The following ADCY2 variants were observed in gnomAD, a reference collection of about 807,000 sequenced individuals.
ADCY2 encodes the protein adenylate cyclase type 2.
Under a neutral mutation model 125.2 loss-of-function variants are expected in ADCY2, and 31 were observed. That is an observed-to-expected ratio of 0.25 (90% CI 0.19 to 0.33). The LOEUF (loss-of-function observed/expected upper bound fraction) is 0.33. Among genes scored for constraint, ADCY2 ranks in the 10% least tolerant of loss-of-function variants. The pLI, the probability that ADCY2 is intolerant of heterozygous loss-of-function variation, is 1.00. For missense variants in ADCY2, 904 were observed against 1,418.2 expected (o/e 0.64, Z 5.82); for synonymous variants, 512 against 548.4 (o/e 0.93, Z 0.93).
chr5:7,506,953 A>G (rs895585135), intron 2 of ADCY2, among the ~76,000 whole-genome samples: 1 of 150,336 alleles, frequency 6.7e-6, no homozygotes, highest in Non-Finnish European at 1.5e-5. Context: ...ATGCCCGGCT[A>G]ATTTTTTGTA....
At chr5:7,497,112 T>C (rs1743370585) in intron 2 of ADCY2, among the ~76,000 whole-genome samples, 1 of 152,178 alleles carries the variant, frequency 6.6e-6, no homozygotes, top group African/African-American at 2.4e-5. Context: ...CTTATGAAGA[T>C]GCAATGTTCT....
At chr5:7,634,641 G>A (rs1482807391) in intron 4 of ADCY2, among the ~76,000 whole-genome samples, 2 of 151,182 alleles carry the variant, frequency 1.3e-5, no homozygotes, top group Middle Eastern at 3.2e-3. Context: ...ATATTCTTCT[G>A]TTAAATACAG....
intron 4 of ADCY2, among the ~76,000 whole-genome samples, chr5:7,639,406 C>T (rs933300958): frequency 1.3e-5 from 2 of 152,192 alleles, no homozygotes; most frequent in African/African-American, 4.8e-5. Flanking sequence ...GCTTAGGACA[C>T]CTGTTGCTGC....
At chr5:7,545,754 G>A (rs1735129589) in intron 3 of ADCY2, among the ~76,000 whole-genome samples, 1 of 152,080 alleles carries the variant, frequency 6.6e-6, no homozygotes, top group South Asian at 2.1e-4. Flanking sequence ...TGGGTTACAC[G>A]CCAACCGATA....
chr5:7,628,533 T>C (rs547879307), intron 4 of ADCY2, among the ~76,000 whole-genome samples: 1 of 152,150 alleles, frequency 6.6e-6, no homozygotes, highest in African/African-American at 2.4e-5. Flanking sequence ...TAGAAAGACA[T>C]GCATCTACTA....
At chr5:7,491,972 A>G (rs1054906883) in intron 2 of ADCY2, among the ~76,000 whole-genome samples, 3 of 152,360 alleles carry the variant, frequency 2.0e-5, no homozygotes, top group Middle Eastern at 6.8e-3. Flanking sequence ...TGTCTGTTGC[A>G]CAGCACTGAG....
intron 1 of ADCY2, among the ~76,000 whole-genome samples, chr5:7,402,985 C>A (rs536656164): frequency 6.6e-6 from 1 of 152,232 alleles, no homozygotes; most frequent in South Asian, 2.1e-4. Context: ...ATTATGATTT[C>A]TACCCATTTA....
At chr5:7,509,781 A>G (rs1028933619) in intron 2 of ADCY2, among the ~76,000 whole-genome samples, 7 of 152,236 alleles carry the variant, frequency 4.6e-5, no homozygotes, top group African/African-American at 7.2e-5. Flanking sequence ...TATGGGAAAG[A>G]TAAAATCTTT....
intron 3 of ADCY2, among the ~76,000 whole-genome samples, chr5:7,557,256 C>T (rs1735556164): frequency 1.5e-5 from 2 of 131,746 alleles, no homozygotes. Context: ...TGCTCAACCT[C>T]CCTAGTAATC....
At chr5:7,520,573 A>G (rs1301264641) in intron 2 of ADCY2, among the ~76,000 whole-genome samples, 165 bp from the exon 3 acceptor site, 1 of 152,200 alleles carries the variant, frequency 6.6e-6, no homozygotes, top group African/African-American at 2.4e-5. Flanking sequence ...TGTTATTGTA[A>G]TCCAGTGGAC....
intron 22 of ADCY2, among the ~76,000 whole-genome samples, chr5:7,805,063 C>T (rs967895734): frequency 1.3e-5 from 2 of 152,016 alleles, no homozygotes; most frequent in African/African-American, 4.8e-5. Context: ...CGTCTGTAAT[C>T]CCAGCACTTT....
intron 2 of ADCY2, among the ~76,000 whole-genome samples, chr5:7,508,803 T>A (rs1743942772): frequency 6.6e-6 from 1 of 152,184 alleles, no homozygotes; most frequent in Non-Finnish European, 1.5e-5. Flanking sequence ...AGGGGCATTG[T>A]GTTTTCGTCC....
At chr5:7,677,698 C>A (rs148981461) in intron 4 of ADCY2, among the ~76,000 whole-genome samples, 1 of 152,298 alleles carries the variant, frequency 6.6e-6, no homozygotes, top group Non-Finnish European at 1.5e-5. Context: ...CGAGCACAAT[C>A]ATGGGATTGT....
intron 4 of ADCY2, among the ~76,000 whole-genome samples, chr5:7,655,830 C>G (rs1739303519): frequency 6.6e-6 from 1 of 152,178 alleles, no homozygotes; most frequent in African/African-American, 2.4e-5. Flanking sequence ...GGAAGCAAAA[C>G]AAAGCCCTCA....
chr5:7,703,877 G>A (rs560679391), intron 7 of ADCY2, among the ~76,000 whole-genome samples: 10 of 151,940 alleles, frequency 6.6e-5, no homozygotes, highest in Non-Finnish European at 1.3e-4. Flanking sequence ...GGTGGTGCAC[G>A]CCTGTAACTT....
intron 16 of ADCY2, among the ~76,000 whole-genome samples, chr5:7,766,160 G>A (rs146121937): frequency 9.9e-5 from 15 of 152,124 alleles, no homozygotes; most frequent in Non-Finnish European, 1.9e-4. Flanking sequence ...ATGATTCTGA[G>A]TTGCCAGGCA....
At chr5:7,551,016 C>CCCTT (rs1422796521) in intron 3 of ADCY2, among the ~76,000 whole-genome samples, 4 of 133,912 alleles carry the variant, frequency 3.0e-5, no homozygotes, top group Middle Eastern at 3.3e-3. Flanking sequence ...CTTCTTCCCT[C>CCCTT]CCTCCCTCCC....
intron 15 of ADCY2, among the ~76,000 whole-genome samples, chr5:7,756,701 T>C (rs1743003251): frequency 6.6e-6 from 1 of 152,166 alleles, no homozygotes; most frequent in Non-Finnish European, 1.5e-5. Flanking sequence ...GGAGTTGTTT[T>C]TCCATGGGTA....
intron 2 of ADCY2, among the ~76,000 whole-genome samples, chr5:7,421,493 A>G (rs758927858): frequency 6.6e-5 from 10 of 152,162 alleles, no homozygotes; most frequent in Non-Finnish European, 1.2e-4. Flanking sequence ...GACACCAATC[A>G]TATTGGATTA....
Sources: allele counts gnomAD v4.1 joint callset (sites outside exome capture counted in the v4.1 genomes callset), GRCh38; gene constraint gnomAD v4.1.1; transcripts MANE v1.5; gene names NCBI Gene and HGNC (gene_info 2026-07-23, HGNC 2026-07-21).